The following PRKN variants were observed in gnomAD, a reference collection of about 807,000 sequenced individuals.
The protein encoded by PRKN is E3 ubiquitin-protein ligase parkin.
A neutral mutation model predicts 59.5 loss-of-function variants in PRKN; 56 were observed. That is an observed-to-expected ratio of 0.94 (90% CI 0.76 to 1.18). The LOEUF is 1.18. PRKN is among the 50% of genes most tolerant of loss of function. The pLI is 0.00. For missense variants in PRKN, 657 were observed against 596.4 expected, an observed-to-expected ratio of 1.10 and a Z score of -1.06; for synonymous variants, 250 against 222.1, an observed-to-expected ratio of 1.13 and a Z score of -1.12.
chr6:162,261,754 A>G (rs1361970065), intron 3 of PRKN, among the ~76,000 whole-genome samples: 2 of 152,130 alleles, frequency 1.3e-5, no homozygotes, highest in Non-Finnish European at 2.9e-5. Flanking sequence ...TGTTGTTTCT[A>G]CATTTTCACT....
In PRKN at chr6:161,446,768, A is replaced by C. The variant is rs1445779557; in HGVS notation, c.1084-59891T>G. Among the ~76,000 whole-genome samples the C allele has an allele frequency of 6.6e-6, 1 of 152,170 alleles. No homozygotes were observed. Among genetic ancestry groups the C allele is most frequent in the East Asian group, 1.9e-4 (1 of 5,192 alleles). On this transcript the variant is annotated intron_variant, in intron 9 of 11. Transcript: ENST00000366898. The surrounding 1 kb of genome is among the most constrained non-coding windows in gnomAD (Gnocchi z 6.2). ...AGGAATATGGAGCCAGGAATGAGGG[A>C]GGTTCACGTGGGAGGTGGCAACTGC...
At chr6:162,535,874 C>T (rs1177885419) in intron 1 of PRKN, among the ~76,000 whole-genome samples, 1 of 150,500 alleles carries the variant, frequency 6.6e-6, no homozygotes, top group Non-Finnish European at 1.5e-5. Flanking sequence ...CACCACTGCA[C>T]TCCAACCTGG....
intron 4 of PRKN, among the ~76,000 whole-genome samples, chr6:162,152,549 T>C (rs1195714112): frequency 6.6e-6 from 1 of 152,202 alleles, no homozygotes; most frequent in African/African-American, 2.4e-5. Flanking sequence ...TTCTTCCACA[T>C]GCATACTGCA....
intron 1 of PRKN, among the ~76,000 whole-genome samples, chr6:162,656,839 C>G (rs1002402965): frequency 2.1e-4 from 32 of 152,294 alleles, no homozygotes; most frequent in African/African-American, 7.5e-4. Flanking sequence ...TCCCTCTCCC[C>G]CTTGACACTC....
At chr6:162,266,046 G>A (rs548410529) in intron 2 of PRKN, among the ~76,000 whole-genome samples, 5 of 152,258 alleles carry the variant, frequency 3.3e-5, no homozygotes, top group Non-Finnish European at 7.4e-5. Context: ...CAGGATCCGA[G>A]TATACTCAAG....
chr6:162,027,456 A>G (rs1349413634), intron 5 of PRKN, among the ~76,000 whole-genome samples: 1 of 152,186 alleles, frequency 6.6e-6, no homozygotes, highest in Non-Finnish European at 1.5e-5. Context: ...CGAGTGCGAC[A>G]AACCTCTGTA....
intron 9 of PRKN, among the ~76,000 whole-genome samples, chr6:161,404,705 T>A (rs1787186684): frequency 6.6e-6 from 1 of 152,228 alleles, no homozygotes; most frequent in South Asian, 2.1e-4. Flanking sequence ...ATGGTGTATA[T>A]CACTCCCTGC....
chr6:162,352,763 G>C (rs1784676204), intron 2 of PRKN, among the ~76,000 whole-genome samples: 1 of 152,100 alleles, frequency 6.6e-6, no homozygotes, highest in Admixed American at 6.6e-5. Context: ...CATCGAGAAA[G>C]GACAGAGAGA....
At chr6:161,708,461 GAAAA>G (rs67537331) in intron 7 of PRKN, among the ~76,000 whole-genome samples, 58 of 124,758 alleles carry the variant, frequency 4.6e-4, no homozygotes, top group Admixed American at 6.9e-4. Context: ...GTTGATTTCA[GAAAA>G]AAAAAAAAAA....
At chr6:162,024,115 C>T (rs1024820117) in intron 5 of PRKN, among the ~76,000 whole-genome samples, 6 of 151,674 alleles carry the variant, frequency 4.0e-5, no homozygotes, top group African/African-American at 1.5e-4. Flanking sequence ...ATTGATTCTT[C>T]CATCCCTGAA....
At position 161,525,884 on chromosome 6, in the gene PRKN, TTAGA is replaced by T. The variant is rs1191663832; in HGVS notation, c.1083+22966_1083+22969del. Among the ~76,000 whole-genome samples, 3 of 152,284 alleles carry T rather than the reference TTAGA, an allele frequency of 2.0e-5. No individual in the cohort carries two copies. Among genetic ancestry groups the T allele is most frequent in the South Asian group, 2.1e-4 (1 of 4,826 alleles). ...AATTTTTGGAAAACAACCCAATAACTTAGATAATGTTATTAATATGGGTATCAAA... is the reference window on the plus strand; with the variant it reads ...AATTTTTGGAAAACAACCCAATAACTTAATGTTATTAATATGGGTATCAAA... On this transcript the variant is annotated intron_variant, in intron 9 of 11. Transcript: ENST00000366898. The surrounding 1 kb of genome is among the most constrained non-coding windows in gnomAD (Gnocchi z 4.7).
chr6:162,252,884 G>A (rs970387030), intron 3 of PRKN, among the ~76,000 whole-genome samples: 3 of 152,228 alleles, frequency 2.0e-5, no homozygotes, highest in Non-Finnish European at 4.4e-5. Flanking sequence ...ATCAATGAGT[G>A]AATAAACAAA....
At chr6:162,161,632 T>C (rs1292563734) in intron 4 of PRKN, among the ~76,000 whole-genome samples, 4 of 152,102 alleles carry the variant, frequency 2.6e-5, no homozygotes, top group Admixed American at 6.6e-5. Context: ...CATTGTCTGC[T>C]CCTGACATTG....
chr6:162,673,971 T>G (rs375962888), intron 1 of PRKN, among the ~76,000 whole-genome samples: 3 of 152,178 alleles, frequency 2.0e-5, no homozygotes, highest in African/African-American at 7.2e-5. Context: ...TTTCTGGGCC[T>G]CCTTTTCCTC....
chr6:161,884,776 A>G (rs928927295), intron 6 of PRKN, among the ~76,000 whole-genome samples: 2 of 152,146 alleles, frequency 1.3e-5, no homozygotes, highest in African/African-American at 4.8e-5. Context: ...ATCCATGTGT[A>G]GATCTATATA....
At chr6:162,333,120 A>G (rs186352784) in intron 2 of PRKN, among the ~76,000 whole-genome samples, 27 of 152,256 alleles carry the variant, frequency 1.8e-4, no homozygotes, top group African/African-American at 6.3e-4. Flanking sequence ...TTGAATTTTA[A>G]CTAGAGAAAG....
chr6:161,766,890 G>T (rs973856986), intron 7 of PRKN, among the ~76,000 whole-genome samples: 1 of 152,180 alleles, frequency 6.6e-6, no homozygotes, highest in Non-Finnish European at 1.5e-5. Context: ...GAACTTTACA[G>T]TCAGGCAGAC....
chr6:161,573,942 T>C (rs888720228), intron 7 of PRKN, among the ~76,000 whole-genome samples: 3 of 151,524 alleles, frequency 2.0e-5, no homozygotes, highest in Non-Finnish European at 4.4e-5. Flanking sequence ...ATCTTCAGAA[T>C]GTGTATTCTG....
At chr6:162,345,749 C>T (rs924856144) in intron 2 of PRKN, among the ~76,000 whole-genome samples, 9 of 152,242 alleles carry the variant, frequency 5.9e-5, no homozygotes, top group Admixed American at 2.0e-4. Flanking sequence ...TATGACTTAT[C>T]GTTATATTCT....
Sources: allele counts gnomAD v4.1 joint callset (sites outside exome capture counted in the v4.1 genomes callset), GRCh38; gene constraint gnomAD v4.1.1; non-coding constraint Gnocchi (gnomAD v3.1); transcripts MANE v1.5; gene names NCBI Gene and HGNC (gene_info 2026-07-23, HGNC 2026-07-21).